The following SKAP2 variants were observed in gnomAD, a reference collection of about 807,000 sequenced individuals.
The protein encoded by SKAP2 is src kinase-associated phosphoprotein 2.
Under a neutral mutation model 54.9 loss-of-function variants are expected in SKAP2, and 28 were observed. That is an observed-to-expected ratio of 0.51 (90% CI 0.38 to 0.70). The LOEUF (loss-of-function observed/expected upper bound fraction) is 0.70, where lower values mean the gene tolerates loss of function less well. Among genes scored for constraint, SKAP2 ranks in the 30% least tolerant of loss-of-function variants. The pLI is 0.00. For synonymous variants in SKAP2, 137 were observed against 134.3 expected (o/e 1.02, Z -0.14); for missense variants, 356 against 424.1 (o/e 0.84, Z 1.41).
intron 9 of SKAP2, among the ~76,000 whole-genome samples, chr7:26,719,317 C>T (rs1787528838): frequency 6.6e-6 from 1 of 152,148 alleles, no homozygotes; most frequent in African/African-American, 2.4e-5. Flanking sequence ...GGGCTGCCTC[C>T]AAGACTTCCC....
At chr7:26,864,055 T>TCACACACTCACACACACACACACACA (rs1554310124) in intron 1 of SKAP2, among the ~76,000 whole-genome samples, 65 of 143,434 alleles carry the variant, frequency 4.5e-4, no homozygotes, top group African/African-American at 1.6e-3. Context: ...CGCCCTTCTG[T>TCACACACTCACACACACACACACACA]CACACACACA....
At chr7:26,842,537 T>A (rs1450309551) in intron 4 of SKAP2, among the ~76,000 whole-genome samples, 1 of 151,902 alleles carries the variant, frequency 6.6e-6, no homozygotes, top group African/African-American at 2.4e-5. Flanking sequence ...CTCCCCTGTA[T>A]ATCAAAATGT....
intron 4 of SKAP2, among the ~76,000 whole-genome samples, chr7:26,826,782 A>G (rs1784500562): frequency 6.6e-6 from 1 of 152,230 alleles, no homozygotes; most frequent in African/African-American, 2.4e-5. Flanking sequence ...AGACAGTGAC[A>G]TACCTTATTA....
In SKAP2 at chr7:26,840,692, C is replaced by T. The variant is rs4722646; in HGVS notation, c.307+3338G>A. Among the ~76,000 whole-genome samples the T allele has an allele frequency of 4.6e-5, 7 of 151,926 alleles. No homozygotes were observed. The South Asian group carries it at 6.2e-4, about 13-fold the overall frequency. ...ATCTACAATAGTCTAGAAACTATTA[C>T]GATTTTTTTGTTTTCCAGAAAAAAA... is the stretch of plus-strand genomic sequence containing the variant. On this transcript the variant is annotated intron_variant, in intron 4 of 12. Coordinates refer to ENST00000345317, the MANE Select transcript of SKAP2 (RefSeq NM_003930.5).
downstream of SKAP2, among the ~76,000 whole-genome samples, chr7:26,662,234 CACTT>C (rs1253514399): frequency 6.6e-6 from 1 of 152,150 alleles, no homozygotes; most frequent in Non-Finnish European, 1.5e-5. Flanking sequence ...CTTCCCCTCA[CACTT>C]AATTCAGGAG....
intron 9 of SKAP2, among the ~76,000 whole-genome samples, chr7:26,717,509 CAAAAAAAAAAAAAA>C (rs58826714): frequency 6.5e-4 from 15 of 23,132 alleles, no homozygotes; most frequent in Non-Finnish European, 9.4e-4. Flanking sequence ...GACCCCATCT[CAAAAAAAAAAAAAA>C]AAAAAAAAAA....
intron 9 of SKAP2, among the ~76,000 whole-genome samples, chr7:26,708,497 A>G (rs1239930150): frequency 6.6e-6 from 1 of 152,206 alleles, no homozygotes; most frequent in African/African-American, 2.4e-5. Flanking sequence ...TGAATGTGCT[A>G]TAATCTGGTC....
At chr7:26,748,091 G>A (rs1156571805) in intron 4 of SKAP2, among the ~76,000 whole-genome samples, 2 of 151,880 alleles carry the variant, frequency 1.3e-5, no homozygotes, top group Admixed American at 6.6e-5. Context: ...TTAAGTATAC[G>A]ACCAGAAACT....
At chr7:26,803,113 A>G (rs1200025978) in intron 4 of SKAP2, among the ~76,000 whole-genome samples, 1 of 152,216 alleles carries the variant, frequency 6.6e-6, no homozygotes, top group Non-Finnish European at 1.5e-5. Context: ...GCAAACATGG[A>G]CAAATGGGAT....
chr7:26,824,222 C>A (rs1055991606), intron 4 of SKAP2, among the ~76,000 whole-genome samples: 9 of 152,194 alleles, frequency 5.9e-5, no homozygotes, highest in Admixed American at 5.2e-4. Flanking sequence ...TTATAATTCT[C>A]TGAGGGCTAA....
At chr7:26,800,929 A>C (rs1783898989) in intron 4 of SKAP2, among the ~76,000 whole-genome samples, 1 of 152,160 alleles carries the variant, frequency 6.6e-6, no homozygotes, top group Non-Finnish European at 1.5e-5. Flanking sequence ...TAAAGAACTA[A>C]CACCAATCCT....
chr7:26,750,167 A>C (rs1401210738), intron 4 of SKAP2, among the ~76,000 whole-genome samples: 2 of 152,172 alleles, frequency 1.3e-5, no homozygotes, highest in East Asian at 3.8e-4. Flanking sequence ...AAACCGTGTC[A>C]GACAACATCA....
chr7:26,723,702 A>ATT (rs34378363), intron 9 of SKAP2, among the ~76,000 whole-genome samples: 2 of 150,456 alleles, frequency 1.3e-5, no homozygotes, highest in Non-Finnish European at 3.0e-5. Context: ...TTCCTGATCA[A>ATT]TTTTTTTTTT....
chr7:26,675,143 ACT>A (rs1316872497), intron 11 of SKAP2, among the ~76,000 whole-genome samples: 3 of 151,392 alleles, frequency 2.0e-5, no homozygotes, highest in Non-Finnish European at 4.4e-5. Flanking sequence ...CTTCCCGGGA[ACT>A]CTTTTCATCA....
intron 4 of SKAP2, among the ~76,000 whole-genome samples, chr7:26,746,374 T>C (rs1355122730): frequency 6.6e-6 from 1 of 152,182 alleles, no homozygotes; most frequent in African/African-American, 2.4e-5. Flanking sequence ...CTTTGTTTCT[T>C]ATTCTAATAG....
At chr7:26,755,174 C>T (rs185293628) in intron 4 of SKAP2, among the ~76,000 whole-genome samples, 7 of 152,114 alleles carry the variant, frequency 4.6e-5, no homozygotes, top group African/African-American at 1.7e-4. Flanking sequence ...AATTAAGTCC[C>T]CTTCACCTGG....
intron 9 of SKAP2, among the ~76,000 whole-genome samples, chr7:26,693,071 C>T (rs1161668459): frequency 6.6e-6 from 1 of 152,046 alleles, no homozygotes; most frequent in Admixed American, 6.6e-5. Flanking sequence ...GTCGGTCACG[C>T]CTGTAATCCC....
chr7:26,662,094 T>C (rs989712551), downstream of SKAP2, among the ~76,000 whole-genome samples: 6 of 152,004 alleles, frequency 3.9e-5, no homozygotes, highest in African/African-American at 1.5e-4. Flanking sequence ...TACAACTCTG[T>C]CTCCAACTGA....
intron 4 of SKAP2, among the ~76,000 whole-genome samples, chr7:26,789,071 A>G (rs564519627): frequency 9.9e-5 from 15 of 152,284 alleles, no homozygotes; most frequent in Admixed American, 9.2e-4. Context: ...CCAAGACCAC[A>G]ATGTATTTGT....
Sources: gnomAD v4.1 joint callset for allele counts (sites outside exome capture counted in the v4.1 genomes callset) on GRCh38, gnomAD v4.1.1 for gene constraint, MANE v1.5 for transcripts, NCBI Gene and HGNC (gene_info 2026-07-23, HGNC 2026-07-21) for gene names.